The following CUX2 variants were observed in gnomAD, a reference collection of about 807,000 sequenced individuals.
CUX2 encodes cut like homeobox 2.
A neutral mutation model predicts 144.8 loss-of-function variants in CUX2; 40 were observed. The observed-to-expected ratio is 0.28, with a 90% CI of 0.21 to 0.36. CUX2 has a LOEUF of 0.36. Ranked by LOEUF, CUX2 falls within the 10% of genes least tolerant of loss-of-function variation. The probability of loss-of-function intolerance (pLI) is 1.00; values close to 1 mark genes in which losing one functional copy is unlikely to be tolerated. For missense variants in CUX2, 1,615 were observed against 1,994.0 expected (o/e 0.81, Z 3.62); for synonymous variants, 827 against 875.6 (o/e 0.94, Z 0.98).
chr12:111,054,456 T>C (rs1870427782), intron 1 of CUX2, among the ~76,000 whole-genome samples: 1 of 152,258 alleles, frequency 6.6e-6, no homozygotes, highest in African/African-American at 2.4e-5. Context: ...TGGGCAGAAT[T>C]TACATGACCT....
Position 111,264,841 on chromosome 12 carries a change from C to T in CUX2, c.301+1002C>T, listed in dbSNP as rs192111889. 1.1e-3 allele frequency among the ~76,000 whole-genome samples: 167 copies of T among 152,220 alleles called. 2 individuals are homozygous for T. The South Asian group carries it at 0.017, about 16-fold the overall frequency. The stretch of plus-strand genomic sequence containing the variant: ...TGAAGGAAGCCAGAAACCAAGGCCA[C>T]ATAGTGTAGGATTTCATTTACATGA... On this transcript the variant is annotated intron_variant, in intron 4 of 21. Coordinates refer to ENST00000261726, the MANE Select transcript of CUX2 (RefSeq NM_015267.4).
intron 1 of CUX2, among the ~76,000 whole-genome samples, chr12:111,148,492 A>G (rs2136132776): frequency 6.6e-6 from 1 of 152,338 alleles, no homozygotes; most frequent in Non-Finnish European, 1.5e-5. Flanking sequence ...ATGCCACAGA[A>G]CTGTACATTT....
chr12:111,050,836 T>C (rs987871104), intron 1 of CUX2, among the ~76,000 whole-genome samples: 3 of 152,368 alleles, frequency 2.0e-5, no homozygotes, highest in Admixed American at 6.5e-5. Context: ...AATTTTTTAA[T>C]AGAAGTTTAG....
At chr12:111,213,970 G>C (rs1032338979) in intron 1 of CUX2, among the ~76,000 whole-genome samples, 1 of 151,704 alleles carries the variant, frequency 6.6e-6, no homozygotes, top group Admixed American at 6.6e-5. Context: ...TATTGATCTG[G>C]CCTGACTTCC....
Position 111,263,694 on chromosome 12 carries a change from G to A in CUX2, c.223-67G>A. The A allele has an allele frequency of 8.3e-7, 1 of 1,206,162 alleles. No individual in the cohort carries two copies. Among genetic ancestry groups the A allele is most frequent in the Non-Finnish European group, 1.2e-6 (1 of 828,950 alleles). The allele number at this position is 1,206,162 out of a possible 1,614,324, so 74.7% of individuals were successfully genotyped here. A position where few individuals can be genotyped will look rare whatever the true frequency, so the allele number is the denominator to read the frequency against. Reference sequence around the variant, plus strand: ...ATGTTTTCTTGTGGAAAAAAAAAATGATGAAATTTGCTTGCAGACACAGAT... The same window carrying A: ...ATGTTTTCTTGTGGAAAAAAAAAATAATGAAATTTGCTTGCAGACACAGAT... On this transcript the variant is annotated intron_variant, in intron 3 of 21. Transcript: ENST00000261726. This position sits in a 1 kb window ranked among gnomAD's most constrained non-coding sequence, Gnocchi z 4.0.
rs1350242625 is a variant in CUX2 at position 111,314,676 on chromosome 12, T to C, written c.2002+2475T>C. Among the ~76,000 whole-genome samples the C allele has an allele frequency of 1.4e-3, 134 of 97,968 alleles. 2 individuals carry two copies. The highest frequency in any genetic ancestry group is 5.6e-3 in the Middle Eastern group (1 of 178). The allele number at this position is 97,968 out of a possible 152,430, so 64.3% of individuals were successfully genotyped here. A position where few individuals can be genotyped will look rare whatever the true frequency, so the allele number is the denominator to read the frequency against. On this transcript the variant is annotated intron_variant, in intron 16 of 21. Coordinates refer to ENST00000261726, the MANE Select transcript of CUX2 (RefSeq NM_015267.4). ...AAAAAAAAAAAAAAAAAACCCCATC[T>C]CCTCTAAAAATACAAAAATTAGCTA...
At chr12:111,099,700 C>T (rs550870629) in intron 1 of CUX2, 2 of 456,608 alleles carry the variant, frequency 4.4e-6, no homozygotes, top group South Asian at 3.1e-5. Flanking sequence ...CCCAGTCTCT[C>T]TGATCACCTA....
intron 1 of CUX2, among the ~76,000 whole-genome samples, chr12:111,156,973 C>G (rs1282777290): frequency 3.2e-5 from 1 of 31,444 alleles, no homozygotes; most frequent in Non-Finnish European, 5.6e-5. Flanking sequence ...GCAATAAGAG[C>G]AAAACTTCTC....
chr12:111,300,174 G>A (rs1476015508), intron 9 of CUX2, among the ~76,000 whole-genome samples: 2 of 152,162 alleles, frequency 1.3e-5, no homozygotes, highest in East Asian at 3.8e-4. Flanking sequence ...AGTCTGGAGT[G>A]CATTGCAGCG....
At chr12:111,204,744 G>A (rs1400043173) in intron 1 of CUX2, among the ~76,000 whole-genome samples, 2 of 152,220 alleles carry the variant, frequency 1.3e-5, no homozygotes, top group East Asian at 1.9e-4. Flanking sequence ...GCCACTGGGA[G>A]AGGGAAATGA....
chr12:111,138,151 A>C (rs1339727861), intron 1 of CUX2, among the ~76,000 whole-genome samples: 2 of 152,338 alleles, frequency 1.3e-5, no homozygotes, highest in East Asian at 3.9e-4. Flanking sequence ...GGGGCTTGGC[A>C]TGAGGACCAG....
rs548272209 is a variant in CUX2 at position 111,279,801 on chromosome 12, G to A, written c.302-11617G>A. 3.3e-5 allele frequency among the ~76,000 whole-genome samples: 5 copies of A among 152,270 alleles called. No individual in the cohort carries two copies. The East Asian group carries it at 9.7e-4, about 29-fold the overall frequency. On this transcript the variant is annotated intron_variant, in intron 4 of 21. Transcript: ENST00000261726. ...GATCGAGACCATCCTGGCCAACATG[G>A]TGAAACCCCTTCTCTATTAAAGATA...
chr12:111,137,688 A>G (rs971950811), intron 1 of CUX2, among the ~76,000 whole-genome samples: 1 of 151,620 alleles, frequency 6.6e-6, no homozygotes, highest in Non-Finnish European at 1.5e-5. Context: ...TAATTTTTAA[A>G]TTTTTTCATA....
chr12:111,049,367 T>G (rs1384446872), intron 1 of CUX2, among the ~76,000 whole-genome samples: 1 of 152,196 alleles, frequency 6.6e-6, no homozygotes, highest in African/African-American at 2.4e-5. Flanking sequence ...CCTCCATGCA[T>G]GCATCCATCC....
At chr12:111,298,454 C>T in intron 8 of CUX2, 87 bp from the exon 9 acceptor site, 1 of 1,402,454 alleles carries the variant, frequency 7.1e-7, no homozygotes. Flanking sequence ...CTCCCCTGGG[C>T]TCAGGCAGGG....
intron 17 of CUX2, among the ~76,000 whole-genome samples, chr12:111,321,759 T>C (rs1390011655): frequency 1.3e-5 from 2 of 152,140 alleles, no homozygotes; most frequent in Non-Finnish European, 2.9e-5. Context: ...TGTTTCCTGA[T>C]TGGTTGGTGC....
At chr12:111,228,020 G>A (rs1335631855) in intron 3 of CUX2, among the ~76,000 whole-genome samples, 1 of 152,086 alleles carries the variant, frequency 6.6e-6, no homozygotes, top group Non-Finnish European at 1.5e-5. Flanking sequence ...TCAGGATATG[G>A]GGATGGGAGA....
chr12:111,108,452 G>T (rs1258935969), intron 1 of CUX2, among the ~76,000 whole-genome samples: 1 of 152,130 alleles, frequency 6.6e-6, no homozygotes, highest in Non-Finnish European at 1.5e-5. Flanking sequence ...TATTGCTATG[G>T]TGTTTGCCAA....
chr12:111,259,031 C>CTGTGTGTGTGTG (rs57814010), intron 3 of CUX2, among the ~76,000 whole-genome samples: 1,602 of 132,154 alleles, frequency 0.012, 12 homozygotes, highest in Middle Eastern at 0.019. Flanking sequence ...CCACACCCAG[C>CTGTGTGTGTGTG]TGTGTGTGTG....
Sources: gnomAD v4.1 joint callset for allele counts (sites outside exome capture counted in the v4.1 genomes callset) on GRCh38, gnomAD v4.1.1 for gene constraint, Gnocchi (gnomAD v3.1) non-coding constraint, MANE v1.5 for transcripts, NCBI Gene and HGNC (gene_info 2026-07-23, HGNC 2026-07-21) for gene names.